RYR2: variants seen among roughly 807,000 people sequenced by gnomAD.
RYR2 encodes ryanodine receptor 2, also known as cardiac muscle ryanodine receptor-calcium release channel.
A neutral mutation model predicts 601.1 loss-of-function variants in RYR2; 227 were observed. That is an observed-to-expected ratio of 0.38 (90% CI 0.34 to 0.42). The LOEUF (loss-of-function observed/expected upper bound fraction) is 0.42, where lower values mean the gene tolerates loss of function less well. RYR2 is among the 10% of genes least tolerant of loss of function. RYR2 has a pLI of 1.00. For synonymous variants in RYR2, 2,223 were observed against 2,175.1 expected (o/e 1.02, Z -0.61); for missense variants, 4,646 against 6,156.5 (o/e 0.75, Z 8.21).
chr1:237,132,009 C>T (rs913988153), intron 1 of RYR2, among the ~76,000 whole-genome samples: 9 of 152,188 alleles, frequency 5.9e-5, no homozygotes, highest in Admixed American at 3.3e-4. Context: ...TAAGCATGAG[C>T]CACCGTGTCT....
At chr1:237,470,170 G>A (rs908614399) in intron 17 of RYR2, among the ~76,000 whole-genome samples, 1 of 152,078 alleles carries the variant, frequency 6.6e-6, no homozygotes, top group African/African-American at 2.4e-5. Flanking sequence ...ATAGGGGCAT[G>A]GTTTCATTCA....
chr1:237,733,616 G>A, intron 78 of RYR2, 89 bp from the exon 79 acceptor site: 1 of 831,574 alleles, frequency 1.2e-6, no homozygotes, highest in Non-Finnish European at 2.1e-6. Flanking sequence ...GTTAGAAAAA[G>A]AACAAAGGTT....
chr1:237,163,251 A>T (rs2148870250), intron 1 of RYR2, among the ~76,000 whole-genome samples: 1 of 152,182 alleles, frequency 6.6e-6, no homozygotes, highest in African/African-American at 2.4e-5. Context: ...TTTACTGTCC[A>T]CCTAAGGAAC....
At chr1:237,756,227 C>G in intron 80 of RYR2, 61 bp from the exon 81 acceptor site, 2 of 1,086,532 alleles carry the variant, frequency 1.8e-6, no homozygotes, top group Non-Finnish European at 1.4e-6. Flanking sequence ...AAAATATGGT[C>G]TGTAGAAATC....
At chr1:237,737,747 A>G (rs1479374709) in intron 79 of RYR2, among the ~76,000 whole-genome samples, 1 of 152,122 alleles carries the variant, frequency 6.6e-6, no homozygotes, top group Non-Finnish European at 1.5e-5. Context: ...AAATTTTTAT[A>G]CCCTTTCCCA....
At chr1:237,669,652 G>A (rs572243983) in intron 58 of RYR2, among the ~76,000 whole-genome samples, 3 of 151,882 alleles carry the variant, frequency 2.0e-5, no homozygotes, top group African/African-American at 7.3e-5. Flanking sequence ...TCCCAGACGG[G>A]GCGGCAGGGC....
chr1:237,806,057 G>A (rs1660600268), intron 98 of RYR2, 80 bp from the exon 99 acceptor site: 11 of 1,246,134 alleles, frequency 8.8e-6, no homozygotes, highest in Non-Finnish European at 1.3e-5. Context: ...TTCTGTTCCT[G>A]GCTTATTTTG....
intron 1 of RYR2, among the ~76,000 whole-genome samples, chr1:237,115,361 C>A (rs376965707): frequency 2.6e-5 from 4 of 152,168 alleles, no homozygotes; most frequent in African/African-American, 7.2e-5. Context: ...TCCCTCTTCC[C>A]TCTCCGGATC....
rs764888857 is a variant in RYR2, at chr1:237,674,733, G to T, written c.8717G>T (p.Gly2906Val). The T allele has an allele frequency of 6.3e-7, 1 of 1,599,444 alleles. No homozygotes were observed. Among genetic ancestry groups the T allele is most frequent in the South Asian group, 1.1e-5 (1 of 90,526 alleles). Residue 2906 changes from glycine (G) to valine (V), a missense_variant and splice_region_variant, in exon 60 of 105, where the codon GGA (glycine) becomes GTA (valine). Coordinates refer to ENST00000366574, the MANE Select transcript of RYR2 (RefSeq NM_001035.3). ...LQINGYAVSR[G>V]FKDLELDTPS... ...CATTTTCATTTTTGCTCTTCCAGAG[G>T]ATTTAAGGACCTGGAACTGGACACG...
At chr1:237,727,945 A>G (rs948928629) in intron 76 of RYR2, among the ~76,000 whole-genome samples, 27 of 151,830 alleles carry the variant, frequency 1.8e-4, no homozygotes, top group African/African-American at 6.0e-4. Context: ...AAATTGCATC[A>G]CCTCTATGTC....
intron 1 of RYR2, among the ~76,000 whole-genome samples, chr1:237,157,163 G>T (rs535810581): frequency 6.6e-6 from 1 of 151,866 alleles, no homozygotes; most frequent in Non-Finnish European, 1.5e-5. Flanking sequence ...GGGTGTGGTG[G>T]TGTGTACCTG....
At chr1:237,311,344 T>C (rs2149490943) in intron 2 of RYR2, among the ~76,000 whole-genome samples, 1 of 152,294 alleles carries the variant, frequency 6.6e-6, no homozygotes, top group Admixed American at 6.5e-5. Context: ...ATTACAAATC[T>C]TATCTTATGG....
At chr1:237,821,684 T>G (rs972259219) in intron 101 of RYR2, among the ~76,000 whole-genome samples, 1 of 151,758 alleles carries the variant, frequency 6.6e-6, no homozygotes, top group Non-Finnish European at 1.5e-5. Context: ...TTTGACAAAT[T>G]GACAGAAGTA....
intron 72 of RYR2, among the ~76,000 whole-genome samples, chr1:237,717,889 C>T (rs1321534432): frequency 6.6e-6 from 1 of 152,180 alleles, no homozygotes; most frequent in Non-Finnish European, 1.5e-5. Context: ...ATATTTTGTA[C>T]ATTGGAATTT....
intron 24 of RYR2, among the ~76,000 whole-genome samples, chr1:237,529,663 A>G (rs1667925998): frequency 2.6e-5 from 4 of 151,996 alleles, no homozygotes. Flanking sequence ...CTATCAAGGC[A>G]GGAGAAACCA....
rs148839705 is a variant in RYR2, at chr1:237,460,611, C to T, written c.1612+3876C>T. ...ATTTGCTTGAATTATTTAATAAATA[C>T]GTTACAGAGATTTCCATTGACTTTT... On this transcript the variant is annotated intron_variant, in intron 16 of 104. Coordinates refer to ENST00000366574, the MANE Select transcript of RYR2 (RefSeq NM_001035.3). Among the ~76,000 whole-genome samples the T allele has an allele frequency of 1.6e-3, 242 of 152,240 alleles. 2 individuals carry two copies. Among genetic ancestry groups the T allele is most frequent in the African/African-American group, 5.4e-3 (223 of 41,550 alleles).
chr1:237,160,184 G>A (rs1415716), intron 1 of RYR2, among the ~76,000 whole-genome samples: 12,906 of 152,162 alleles, frequency 0.085, 745 homozygotes, highest in African/African-American at 0.16. Flanking sequence ...CTGGTATAAA[G>A]CAGTTCAATT....
chr1:237,643,752 A>G (rs1018943043), intron 48 of RYR2, among the ~76,000 whole-genome samples: 4 of 151,842 alleles, frequency 2.6e-5, no homozygotes, highest in South Asian at 2.1e-4. Context: ...AGCTGGGACT[A>G]CAGGCGCCCG....
At chr1:237,166,824 C>T (rs1379925759) in intron 1 of RYR2, among the ~76,000 whole-genome samples, 1 of 152,110 alleles carries the variant, frequency 6.6e-6, no homozygotes, top group East Asian at 1.9e-4. Context: ...ATAAAAACAT[C>T]AGAGTGAATT....
Sources: allele counts gnomAD v4.1 joint callset (sites outside exome capture counted in the v4.1 genomes callset), GRCh38; gene constraint gnomAD v4.1.1; transcripts MANE v1.5; gene names NCBI Gene and HGNC (gene_info 2026-07-23, HGNC 2026-07-21).